EPHB1: variants seen among roughly 807,000 people sequenced by gnomAD.
The protein encoded by EPHB1 is ephrin type-B receptor 1.
In EPHB1, 30 loss-of-function variants were observed where a neutral mutation model predicts 94.4. The observed-to-expected ratio is 0.32, with a 90% CI of 0.24 to 0.43. The LOEUF (loss-of-function observed/expected upper bound fraction) is 0.43, where lower values mean the gene tolerates loss of function less well. Ranked by LOEUF, EPHB1 falls within the 20% of genes least tolerant of loss-of-function variation. The pLI is 1.00. For missense variants in EPHB1, 1,055 were observed against 1,308.3 expected (o/e 0.81, Z 2.99); for synonymous variants, 522 against 489.1 (o/e 1.07, Z -0.89).
intron 3 of EPHB1, among the ~76,000 whole-genome samples, chr3:134,997,728 C>T (rs1288873774): frequency 6.6e-6 from 1 of 152,200 alleles, no homozygotes; most frequent in Non-Finnish European, 1.5e-5. Flanking sequence ...GTGACTTTCT[C>T]TCCCTCTGAC....
intron 3 of EPHB1, among the ~76,000 whole-genome samples, chr3:135,016,165 G>A (rs938311520): frequency 5.3e-5 from 8 of 152,198 alleles, no homozygotes; most frequent in African/African-American, 1.4e-4. Context: ...CAGCTGCCAC[G>A]TCTACTTTAA....
intron 1 of EPHB1, among the ~76,000 whole-genome samples, chr3:134,887,633 C>T (rs1474418653): frequency 7.2e-5 from 11 of 152,166 alleles, no homozygotes; most frequent in Non-Finnish European, 1.5e-5. Flanking sequence ...CATTATAAAT[C>T]TGAATAATGA....
intron 1 of EPHB1, among the ~76,000 whole-genome samples, chr3:134,879,190 C>T (rs997290199): frequency 4.6e-5 from 7 of 152,156 alleles, no homozygotes; most frequent in South Asian, 2.1e-4. Flanking sequence ...CCAAGGTGCT[C>T]AGAGCTGGCT....
intron 3 of EPHB1, among the ~76,000 whole-genome samples, chr3:135,047,827 A>G (rs1380673310): frequency 6.6e-6 from 1 of 152,044 alleles, no homozygotes; most frequent in Non-Finnish European, 1.5e-5. Context: ...TTGGTTGTCA[A>G]AACTGGAGAG....
intron 1 of EPHB1, among the ~76,000 whole-genome samples, chr3:134,835,067 G>A (rs1395072978): frequency 6.6e-6 from 1 of 152,202 alleles, no homozygotes; most frequent in African/African-American, 2.4e-5. Flanking sequence ...GTAATGGGTT[G>A]GCAGTCTCTC....
rs565464885 is a variant in EPHB1, at chr3:134,867,759, A to AT, written c.59-58055dup. 6.2e-4 allele frequency among the ~76,000 whole-genome samples: 94 copies of AT among 152,264 alleles called. 3 individuals are homozygous for AT. The South Asian group carries it at 0.018, about 30-fold the overall frequency. On this transcript the variant is annotated intron_variant, in intron 1 of 15. Transcript: ENST00000398015. ...CCATTCTCCATCTCCCTCAGCCCCT[A>AT]TTACCCGCCCTTGGCAGTTCACTTC...
rs718129 is a variant in EPHB1 at position 134,990,544 on chromosome 3, A to G, written c.805+38492A>G. Among the ~76,000 whole-genome samples the G allele has an allele frequency of 6.9e-3, 1,052 of 152,216 alleles. 5 individuals are homozygous for G. The highest frequency in any genetic ancestry group is 7.9e-3 in the Non-Finnish European group (534 of 68,002). ...AGTTCAGTTTTAAACTCTATCAATT[A>G]TTTAGCCATTTCTTTTTTATTTACT... On this transcript the variant is annotated intron_variant, in intron 3 of 15. Coordinates refer to ENST00000398015, the MANE Select transcript of EPHB1 (RefSeq NM_004441.5).
intron 3 of EPHB1, among the ~76,000 whole-genome samples, chr3:135,052,909 ATGTGTGTGTGTGTGTGTGTG>A (rs745760849): frequency 5.8e-5 from 4 of 68,888 alleles, no homozygotes; most frequent in Non-Finnish European, 1.0e-4. Context: ...ATATATATAT[ATGTGTGTGTGTGTGTGTGTG>A]TGTATATATG....
intron 1 of EPHB1, among the ~76,000 whole-genome samples, chr3:134,856,863 A>T (rs114523010): frequency 6.6e-6 from 1 of 152,218 alleles, no homozygotes. Context: ...TGTGATTTGC[A>T]TTATGTTTCT....
intron 1 of EPHB1, among the ~76,000 whole-genome samples, chr3:134,820,598 AAT>A (rs1251909459): frequency 3.9e-5 from 6 of 152,184 alleles, no homozygotes; most frequent in Admixed American, 1.3e-4. Flanking sequence ...AAGCAGCCAG[AAT>A]AATTAGAGCT....
At chr3:135,049,964 C>T (rs779139599) in intron 3 of EPHB1, among the ~76,000 whole-genome samples, 6 of 152,168 alleles carry the variant, frequency 3.9e-5, no homozygotes, top group Non-Finnish European at 7.3e-5. Context: ...AGTGGTACCC[C>T]GGGACCCTGA....
intron 12 of EPHB1, among the ~76,000 whole-genome samples, chr3:135,226,061 C>T (rs1362169985): frequency 6.6e-6 from 1 of 152,246 alleles, no homozygotes; most frequent in Non-Finnish European, 1.5e-5. Context: ...AGCTGGGGAA[C>T]CCCAGCTTAC....
chr3:135,018,733 G>A (rs146688979), intron 3 of EPHB1, among the ~76,000 whole-genome samples: 322 of 152,322 alleles, frequency 2.1e-3, no homozygotes, highest in Middle Eastern at 6.8e-3. Flanking sequence ...GACACAAACA[G>A]TGTCTCATTC....
At chr3:135,118,931 G>T (rs1452735706) in intron 4 of EPHB1, among the ~76,000 whole-genome samples, 1 of 152,144 alleles carries the variant, frequency 6.6e-6, no homozygotes, top group Non-Finnish European at 1.5e-5. Flanking sequence ...CTGGGCTACG[G>T]GGTGCATGCA....
At chr3:134,907,911 G>T (rs1310481030) in intron 1 of EPHB1, among the ~76,000 whole-genome samples, 1 of 152,120 alleles carries the variant, frequency 6.6e-6, no homozygotes, top group Non-Finnish European at 1.5e-5. Context: ...TCCCCTCTCC[G>T]GGCCTCCAAC....
At chr3:135,166,707 C>T (rs1039613728) in intron 8 of EPHB1, among the ~76,000 whole-genome samples, 2 of 152,202 alleles carry the variant, frequency 1.3e-5, no homozygotes, top group South Asian at 2.1e-4. Context: ...CCCACAGTCC[C>T]GCCAGGCTTC....
At chr3:134,812,921 C>T (rs951943744) in intron 1 of EPHB1, among the ~76,000 whole-genome samples, 2 of 152,134 alleles carry the variant, frequency 1.3e-5, no homozygotes, top group Non-Finnish European at 2.9e-5. Context: ...GATATTTGTC[C>T]ATTTTTTTTG....
intron 2 of EPHB1, among the ~76,000 whole-genome samples, chr3:134,935,056 G>A (rs1391918074): frequency 6.6e-6 from 1 of 152,166 alleles, no homozygotes; most frequent in Non-Finnish European, 1.5e-5. Context: ...ACTGGCATGT[G>A]AGCCTGAGGA....
chr3:134,992,724 G>T (rs905989651), intron 3 of EPHB1, among the ~76,000 whole-genome samples: 1 of 152,122 alleles, frequency 6.6e-6, no homozygotes, highest in Non-Finnish European at 1.5e-5. Context: ...TTGTTGTCTT[G>T]TCTCACCCTC....
Sources: allele counts gnomAD v4.1 joint callset (sites outside exome capture counted in the v4.1 genomes callset), GRCh38; gene constraint gnomAD v4.1.1; transcripts MANE v1.5; gene names NCBI Gene and HGNC (gene_info 2026-07-23, HGNC 2026-07-21).